Variants in DSCAM observed in about 807,000 individuals in gnomAD.
DSCAM encodes the protein DS cell adhesion molecule, also known as cell adhesion molecule DSCAM.
Under a neutral mutation model 217.7 loss-of-function variants are expected in DSCAM, and 47 were observed. That is an observed-to-expected ratio of 0.22 (90% CI 0.17 to 0.28). The LOEUF is 0.28. Among genes scored for constraint, DSCAM ranks in the 10% least tolerant of loss-of-function variants. The probability of loss-of-function intolerance (pLI) is 1.00; values close to 1 mark genes in which losing one functional copy is unlikely to be tolerated. For synonymous variants in DSCAM, 1,056 were observed against 1,015.3 expected, an observed-to-expected ratio of 1.04 and a Z score of -0.76; for missense variants, 2,080 against 2,618.3, an observed-to-expected ratio of 0.79 and a Z score of 4.49.
At chr21:40,632,426 C>G (rs536395587) in intron 3 of DSCAM, among the ~76,000 whole-genome samples, 1 of 152,064 alleles carries the variant, frequency 6.6e-6, no homozygotes, top group Non-Finnish European at 1.5e-5. Flanking sequence ...AAAAGACACA[C>G]TACTATCACA....
chr21:40,015,400 C>G (rs911849293), intron 32 of DSCAM, among the ~76,000 whole-genome samples: 1 of 146,474 alleles, frequency 6.8e-6, no homozygotes, highest in Non-Finnish European at 1.5e-5. Flanking sequence ...ATTCTACCGG[C>G]AAAATATCTC....
chr21:40,486,033 G>A (rs1287912839), intron 3 of DSCAM, among the ~76,000 whole-genome samples: 2 of 152,070 alleles, frequency 1.3e-5, no homozygotes, highest in Non-Finnish European at 2.9e-5. Context: ...TATAAACTGA[G>A]GGCAGCAAAA....
At position 40,694,011 on chromosome 21, in the gene DSCAM, C is replaced by T. The variant is rs558561712; in HGVS notation, c.362-1055G>A. 5.5e-4 allele frequency among the ~76,000 whole-genome samples: 84 copies of T among 152,264 alleles called. 1 individual carries two copies. The highest frequency in any genetic ancestry group is 2.7e-3 in the South Asian group (13 of 4,830). Reference sequence around the variant, plus strand: ...TGGTAGCATCTGCCCCCTAGGGTGACTGTGGTGAATCAGTTAACGTAGGTG... The same window carrying T: ...TGGTAGCATCTGCCCCCTAGGGTGATTGTGGTGAATCAGTTAACGTAGGTG... On this transcript the variant is annotated intron_variant, in intron 2 of 32. Coordinates refer to ENST00000400454, the MANE Select transcript of DSCAM (RefSeq NM_001389.5).
At chr21:40,467,308 ATCT>A (rs1382942448) in intron 3 of DSCAM, among the ~76,000 whole-genome samples, 2 of 152,214 alleles carry the variant, frequency 1.3e-5, no homozygotes, top group Non-Finnish European at 2.9e-5. Context: ...AATCCCCACA[ATCT>A]TCTTAAACAC....
intron 1 of DSCAM, among the ~76,000 whole-genome samples, chr21:40,757,998 C>T (rs575399374): frequency 1.3e-5 from 2 of 152,290 alleles, no homozygotes; most frequent in South Asian, 4.1e-4. Flanking sequence ...TACTGGATTA[C>T]AATGATCTCT....
At chr21:40,523,233 C>A (rs1047975223) in intron 3 of DSCAM, among the ~76,000 whole-genome samples, 4 of 152,136 alleles carry the variant, frequency 2.6e-5, no homozygotes, top group Non-Finnish European at 4.4e-5. Flanking sequence ...GGCCTGTGCC[C>A]ACGGACCTAG....
intron 19 of DSCAM, among the ~76,000 whole-genome samples, chr21:40,129,935 T>G (rs2090137974): frequency 6.6e-6 from 1 of 152,224 alleles, no homozygotes; most frequent in African/African-American, 2.4e-5. Context: ...TTGCTTCCTC[T>G]TAGCTCTACT....
chr21:40,167,316 G>A (rs1445707376), intron 15 of DSCAM, 28 bp from the exon 16 acceptor site: 1 of 1,609,116 alleles, frequency 6.2e-7, no homozygotes, highest in Non-Finnish European at 8.5e-7. Flanking sequence ...CCACAGGCAG[G>A]TTAGAGACGC....
At chr21:40,605,791 C>CTTTTTTTTTTTTTTTTTTTTTT (rs755767800) in intron 3 of DSCAM, among the ~76,000 whole-genome samples, 1 of 61,994 alleles carries the variant, frequency 1.6e-5, no homozygotes, top group African/African-American at 6.3e-5. Flanking sequence ...AATGCACATT[C>CTTTTTTTTTTTTTTTTTTTTTT]TTTTTTTTTT....
chr21:40,012,273 C>G lies in DSCAM; in HGVS notation c.*761G>C, dbSNP rs1376708391. On this transcript the variant is annotated 3_prime_UTR_variant, in exon 33 of 33. Coordinates refer to ENST00000400454, the MANE Select transcript of DSCAM (RefSeq NM_001389.5). ...ACCTTCTTTGTGCTTCCTGGAGATT[C>G]CTGAGGAGTTCAGGGTGTTAGTATC... The G allele has an allele frequency of 6.6e-6, 1 of 152,144 alleles. No homozygotes were observed. Among genetic ancestry groups the G allele is most frequent in the East Asian group, 1.9e-4 (1 of 5,162 alleles). The allele number at this position is 152,144 out of a possible 1,614,324, so 9.4% of individuals were successfully genotyped here.
Position 40,042,540 on chromosome 21 carries a change from T to C in DSCAM, c.5517A>G (p.Ile1839Met). The C allele has an allele frequency of 6.2e-7, 1 of 1,614,228 alleles. No individual in the cohort carries two copies. Among genetic ancestry groups the C allele is most frequent in the Non-Finnish European group, 8.5e-7 (1 of 1,180,046 alleles). Residue 1839 changes from isoleucine (I) to methionine (M), a missense_variant, in exon 32 of 33, where the codon ATA becomes ATG. Physicochemically the swap from Ile to Met is conservative, Grantham distance 10 (BLOSUM62 1). Around this residue, in one of 5 missense-constraint regions of DSCAM, gnomAD observed 1,144 missense variants for 1,421.1 expected, o/e 0.81. Transcript: ENST00000400454. ...TCAACTGCTCCGATGACGTGTCTGA[T>C]ATGAAGCACTCCGTGATGGTGAACT... Reference protein sequence around the residue: ...HAKFTITECFISDTSSEQLTA... With the variant: ...HAKFTITECFMSDTSSEQLTA...
intron 14 of DSCAM, among the ~76,000 whole-genome samples, chr21:40,185,474 C>T (rs1358228428): frequency 6.6e-6 from 1 of 152,166 alleles, no homozygotes; most frequent in East Asian, 1.9e-4. Flanking sequence ...GCCCGCTCCT[C>T]CATGAGGACA....
At chr21:40,812,502 C>T (rs2091847728) in intron 1 of DSCAM, among the ~76,000 whole-genome samples, 1 of 152,196 alleles carries the variant, frequency 6.6e-6, no homozygotes, top group African/African-American at 2.4e-5. Context: ...CCTTCCATTA[C>T]CTGTGCTCTC....
intron 3 of DSCAM, among the ~76,000 whole-genome samples, chr21:40,411,961 G>C (rs1165855676): frequency 2.0e-5 from 3 of 152,192 alleles, no homozygotes; most frequent in Non-Finnish European, 2.9e-5. Context: ...TTGGGTTATG[G>C]AGTTGGGTCT....
At chr21:40,188,571 G>A (rs546064820) in intron 12 of DSCAM, among the ~76,000 whole-genome samples, 4 of 152,144 alleles carry the variant, frequency 2.6e-5, no homozygotes, top group African/African-American at 9.6e-5. Flanking sequence ...CCAGTTCACT[G>A]CTCACAGTCC....
intron 10 of DSCAM, among the ~76,000 whole-genome samples, chr21:40,284,850 A>G (rs1357720396): frequency 6.6e-6 from 1 of 152,220 alleles, no homozygotes. Context: ...AAATGTGCAC[A>G]TAATTGTGTC....
chr21:40,495,478 C>A (rs1392880754), intron 3 of DSCAM, among the ~76,000 whole-genome samples: 1 of 152,040 alleles, frequency 6.6e-6, no homozygotes, highest in African/African-American at 2.4e-5. Context: ...TGAGAAAATT[C>A]AAAATTATTT....
chr21:40,239,495 AAG>A (rs1350943617), intron 11 of DSCAM, among the ~76,000 whole-genome samples: 1 of 152,238 alleles, frequency 6.6e-6, no homozygotes, highest in African/African-American at 2.4e-5. Flanking sequence ...CTAAGTTTTC[AAG>A]AGATAAAGAA....
chr21:40,627,142 G>A (rs763094475), intron 3 of DSCAM, among the ~76,000 whole-genome samples: 11 of 152,152 alleles, frequency 7.2e-5, no homozygotes, highest in Non-Finnish European at 1.6e-4. Flanking sequence ...CTAGTACACT[G>A]CCTCTCCATA....
Sources: allele counts gnomAD v4.1 joint callset (sites outside exome capture counted in the v4.1 genomes callset), GRCh38; gene constraint gnomAD v4.1.1; regional missense constraint gnomAD v4.1.1; transcripts MANE v1.5; gene names NCBI Gene and HGNC (gene_info 2026-07-23, HGNC 2026-07-21).